The following MTUS2 variants were observed in gnomAD, a reference collection of about 807,000 sequenced individuals.
MTUS2 encodes the protein microtubule associated scaffold protein 2.
A neutral mutation model predicts 114.1 loss-of-function variants in MTUS2; 40 were observed. That is an observed-to-expected ratio of 0.35 (90% CI 0.27 to 0.46). The LOEUF is 0.46. MTUS2 is among the 20% of genes least tolerant of loss of function. MTUS2 has a pLI of 1.00. For synonymous variants in MTUS2, 688 were observed against 672.0 expected, an observed-to-expected ratio of 1.02 and a Z score of -0.37; for missense variants, 1,679 against 1,705.4, an observed-to-expected ratio of 0.98 and a Z score of 0.27.
chr13:28,910,341 C>CATTCTTTTTTTGTTCTT (rs535203190), intron 2 of MTUS2, among the ~76,000 whole-genome samples: 5 of 152,200 alleles, frequency 3.3e-5, no homozygotes, highest in African/African-American at 9.6e-5. Context: ...TCCATCCTTC[C>CATTCTTTTTTTGTTCTT]ATTCTTTTTT....
intron 5 of MTUS2, among the ~76,000 whole-genome samples, chr13:29,189,290 T>G (rs775594004): frequency 4.6e-5 from 7 of 152,246 alleles, no homozygotes; most frequent in Non-Finnish European, 8.8e-5. Context: ...CTTCAGGGGA[T>G]AGAAAACCAA....
chr13:28,908,059 C>CACT, intron 2 of MTUS2, among the ~76,000 whole-genome samples: 1 of 151,476 alleles, frequency 6.6e-6, no homozygotes, highest in South Asian at 2.1e-4. Flanking sequence ...GGGGTTTATC[C>CACT]CATTTGGAAT....
At chr13:29,292,535 A>G (rs1898760729) in intron 6 of MTUS2, among the ~76,000 whole-genome samples, 1 of 152,198 alleles carries the variant, frequency 6.6e-6, no homozygotes. Flanking sequence ...AATTAGAGTG[A>G]GAGTGAGAGG....
chr13:28,876,567 A>T (rs1369404343), intron 2 of MTUS2, among the ~76,000 whole-genome samples: 1 of 152,230 alleles, frequency 6.6e-6, no homozygotes, highest in Non-Finnish European at 1.5e-5. Context: ...TGAAAGCTGC[A>T]GAAGATCGAG....
intron 2 of MTUS2, among the ~76,000 whole-genome samples, chr13:28,944,337 G>A (rs1236793369): frequency 6.6e-6 from 1 of 152,030 alleles, no homozygotes; most frequent in East Asian, 1.9e-4. Context: ...AGTGTATAGA[G>A]AAATTTTCAA....
At chr13:28,995,507 C>A (rs1263755334) in intron 2 of MTUS2, among the ~76,000 whole-genome samples, 1 of 152,068 alleles carries the variant, frequency 6.6e-6, no homozygotes, top group East Asian at 1.9e-4. Flanking sequence ...GCCATTTTCA[C>A]GATATTGATT....
chr13:29,395,453 CTTGA>C (rs1873839561), intron 8 of MTUS2, among the ~76,000 whole-genome samples: 1 of 152,082 alleles, frequency 6.6e-6, no homozygotes, highest in South Asian at 2.1e-4. Context: ...GAGACGTCTC[CTTGA>C]TTGTCAGTCT....
chr13:29,297,451 C>T (rs1321172281), intron 6 of MTUS2, among the ~76,000 whole-genome samples: 2 of 152,078 alleles, frequency 1.3e-5, no homozygotes, highest in Non-Finnish European at 2.9e-5. Flanking sequence ...ATTAAGTAAC[C>T]CCCACACCCC....
chr13:29,008,841 G>A (rs549294544), intron 2 of MTUS2, among the ~76,000 whole-genome samples: 10 of 151,956 alleles, frequency 6.6e-5, no homozygotes, highest in South Asian at 6.3e-4. Context: ...CTTTTGGTGG[G>A]CCCTTTTAAT....
intron 4 of MTUS2, among the ~76,000 whole-genome samples, chr13:29,083,343 A>G (rs1455686689): frequency 6.6e-6 from 1 of 152,070 alleles, no homozygotes; most frequent in Non-Finnish European, 1.5e-5. Context: ...ACTCTTGGAG[A>G]AAGTTGAGTG....
At position 29,483,255 on chromosome 13, in the gene MTUS2, C is replaced by T. The variant is rs185224612; in HGVS notation, c.3399+2891C>T. Among the ~76,000 whole-genome samples, 11 of 152,334 alleles carry T rather than the reference C, an allele frequency of 7.2e-5. No individual in the cohort carries two copies. In the East Asian group the frequency reaches 1.2e-3, roughly 16 times the overall value. ...GGCAGGTGCTGCTTCAGTTCTGACA[C>T]GCAGGATTTTCTGAGGCCGCAAATA... is the stretch of plus-strand genomic sequence containing the variant. On this transcript the variant is annotated intron_variant, in intron 10 of 15. Transcript: ENST00000612955.
chr13:29,277,782 C>T (rs981098290), intron 5 of MTUS2, among the ~76,000 whole-genome samples: 7 of 152,124 alleles, frequency 4.6e-5, no homozygotes, highest in African/African-American at 1.4e-4. Flanking sequence ...TTCCTGTGAA[C>T]GGTTCACTTT....
At chr13:28,982,034 C>A (rs1884383152) in intron 2 of MTUS2, among the ~76,000 whole-genome samples, 1 of 152,186 alleles carries the variant, frequency 6.6e-6, no homozygotes, top group South Asian at 2.1e-4. Context: ...CATGGTGAAT[C>A]AATCTTGGCT....
intron 2 of MTUS2, among the ~76,000 whole-genome samples, chr13:28,885,966 G>A (rs1878568306): frequency 6.6e-6 from 1 of 152,182 alleles, no homozygotes; most frequent in African/African-American, 2.4e-5. Context: ...GTGACACTGG[G>A]CCACCTGGAG....
intron 4 of MTUS2, among the ~76,000 whole-genome samples, chr13:29,047,814 T>C (rs1887705606): frequency 6.6e-6 from 1 of 152,318 alleles, no homozygotes; most frequent in South Asian, 2.1e-4. Context: ...CTGGCCAGAA[T>C]TTGCCCTTTC....
intron 2 of MTUS2, among the ~76,000 whole-genome samples, chr13:28,850,664 G>C (rs1471035824): frequency 6.6e-6 from 1 of 152,240 alleles, no homozygotes; most frequent in East Asian, 1.9e-4. Context: ...TTTTGATACA[G>C]AGAACTTTCA....
intron 2 of MTUS2, among the ~76,000 whole-genome samples, chr13:28,963,626 G>A (rs1883440143): frequency 6.6e-6 from 1 of 152,010 alleles, no homozygotes. Flanking sequence ...CCCTTTCTTG[G>A]CTCTACCACT....
At chr13:29,486,781 G>T (rs150534244) in intron 10 of MTUS2, among the ~76,000 whole-genome samples, 3 of 152,228 alleles carry the variant, frequency 2.0e-5, no homozygotes, top group Non-Finnish European at 4.4e-5. Context: ...GTGTGTGGGT[G>T]TGTGCACTGT....
At chr13:29,423,294 C>T (rs1163243534) in intron 8 of MTUS2, among the ~76,000 whole-genome samples, 1 of 152,216 alleles carries the variant, frequency 6.6e-6, no homozygotes, top group Non-Finnish European at 1.5e-5. Flanking sequence ...AGAAATCTCG[C>T]TCCCTTCAAG....
Sources: allele counts gnomAD v4.1 joint callset (sites outside exome capture counted in the v4.1 genomes callset), GRCh38; gene constraint gnomAD v4.1.1; transcripts MANE v1.5; gene names NCBI Gene and HGNC (gene_info 2026-07-23, HGNC 2026-07-21).